Variants in LRRC1 observed in about 807,000 individuals in gnomAD.
LRRC1 encodes leucine-rich repeat-containing protein 1.
In LRRC1, 28 loss-of-function variants were observed where a neutral mutation model predicts 69.9. That is an observed-to-expected ratio of 0.40 (90% CI 0.30 to 0.55). The LOEUF (loss-of-function observed/expected upper bound fraction) is 0.55, where lower values mean the gene tolerates loss of function less well. Among genes scored for constraint, LRRC1 ranks in the 20% least tolerant of loss-of-function variants. The probability of loss-of-function intolerance (pLI) is 0.47; values close to 1 mark genes in which losing one functional copy is unlikely to be tolerated. For synonymous variants in LRRC1, 236 were observed against 240.2 expected, an observed-to-expected ratio of 0.98 and a Z score of 0.16; for missense variants, 498 against 609.0, an observed-to-expected ratio of 0.82 and a Z score of 1.92.
rs185026961 is a variant in LRRC1 at position 53,803,900 on chromosome 6, C to T, written c.159+8485C>T. On this transcript the variant is annotated intron_variant, in intron 1 of 13. Transcript: ENST00000370888. The stretch of plus-strand genomic sequence containing the variant: ...CACCTTTCTTTCCGCAGTCCACCCC[C>T]GCTTCTTGGGAAGAGATAATCTGGA... 8.3e-4 allele frequency among the ~76,000 whole-genome samples: 126 copies of T among 152,270 alleles called. 2 individuals carry two copies. In the East Asian group the frequency reaches 0.021, roughly 25 times the overall value.
At chr6:53,855,745 T>C (rs566635293) in intron 2 of LRRC1, among the ~76,000 whole-genome samples, 2 of 152,330 alleles carry the variant, frequency 1.3e-5, no homozygotes, top group South Asian at 4.2e-4. Context: ...GGAGCACCTT[T>C]GCTTTAAGAA....
chr6:53,901,801 T>C (rs1262993327), intron 8 of LRRC1, among the ~76,000 whole-genome samples: 2 of 152,206 alleles, frequency 1.3e-5, no homozygotes, highest in Non-Finnish European at 2.9e-5. Flanking sequence ...TTATGCTAAA[T>C]AAAGAGCTTA....
At chr6:53,922,212 G>A (rs1768760036) in intron 13 of LRRC1, among the ~76,000 whole-genome samples, 1 of 151,996 alleles carries the variant, frequency 6.6e-6, no homozygotes, top group Non-Finnish European at 1.5e-5. Context: ...GTTGAAGGAA[G>A]CCAGAATCGC....
At chr6:53,907,122 CTG>C (rs1768267350) in intron 10 of LRRC1, among the ~76,000 whole-genome samples, 1 of 152,212 alleles carries the variant, frequency 6.6e-6, no homozygotes, top group African/African-American at 2.4e-5. Context: ...GGCCCTGTGA[CTG>C]TGTGTATGTT....
intron 1 of LRRC1, among the ~76,000 whole-genome samples, chr6:53,808,226 T>C (rs1311421934): frequency 6.6e-6 from 1 of 152,100 alleles, no homozygotes; most frequent in Non-Finnish European, 1.5e-5. Flanking sequence ...TTGACTGTGG[T>C]GGTAGCAGTA....
chr6:53,812,417 G>A (rs554240135), intron 1 of LRRC1, among the ~76,000 whole-genome samples: 10 of 152,168 alleles, frequency 6.6e-5, no homozygotes, highest in African/African-American at 1.9e-4. Context: ...GAGGCCGGGC[G>A]CGGTGGCTCA....
At chr6:53,844,984 C>T (rs1286414379) in intron 2 of LRRC1, among the ~76,000 whole-genome samples, 3 of 152,296 alleles carry the variant, frequency 2.0e-5, no homozygotes, top group Admixed American at 1.3e-4. Context: ...GCGGGGGGAT[C>T]ACTAGGTCAG....
At chr6:53,901,245 T>A (rs1768048031) in intron 8 of LRRC1, among the ~76,000 whole-genome samples, 1 of 152,200 alleles carries the variant, frequency 6.6e-6, no homozygotes, top group African/African-American at 2.4e-5. Flanking sequence ...ATGAAAGTAT[T>A]GTGAATTTCA....
intron 13 of LRRC1, 101 bp from the exon 14 acceptor site, chr6:53,922,534 G>A: frequency 9.4e-7 from 1 of 1,069,116 alleles, no homozygotes; most frequent in Non-Finnish European, 1.3e-6. Context: ...GAATTTCTAA[G>A]AAGGTAACAT....
At chr6:53,873,313 A>G (rs1033471506) in intron 2 of LRRC1, among the ~76,000 whole-genome samples, 1 of 145,074 alleles carries the variant, frequency 6.9e-6, no homozygotes, top group Non-Finnish European at 1.5e-5. Flanking sequence ...TTTAATTGAG[A>G]CAGAGTCTCA....
At chr6:53,894,925 GT>G (rs869235555) in intron 4 of LRRC1, among the ~76,000 whole-genome samples, 4 of 149,694 alleles carry the variant, frequency 2.7e-5, no homozygotes, top group Admixed American at 6.7e-5. Context: ...TTAGCGGGGA[GT>G]TTTTTTTTCT....
intron 8 of LRRC1, among the ~76,000 whole-genome samples, chr6:53,901,852 C>G (rs996013242): frequency 1.3e-5 from 2 of 152,224 alleles, no homozygotes; most frequent in African/African-American, 2.4e-5. Context: ...TGGCTGCACC[C>G]GAGGCAAGAT....
At chr6:53,824,857 A>G (rs1765213614) in intron 1 of LRRC1, among the ~76,000 whole-genome samples, 1 of 152,236 alleles carries the variant, frequency 6.6e-6, no homozygotes, top group Non-Finnish European at 1.5e-5. Flanking sequence ...TGATAAAACC[A>G]TACTAAAGGG....
chr6:53,885,819 G>C (rs1254792322), intron 4 of LRRC1, among the ~76,000 whole-genome samples: 2 of 152,158 alleles, frequency 1.3e-5, no homozygotes, highest in African/African-American at 4.8e-5. Flanking sequence ...TCATGTGTTT[G>C]GTTTGCCTAT....
chr6:53,879,220 T>G (rs1329729402), intron 3 of LRRC1, 149 bp downstream of exon 3: 1 of 609,944 alleles, frequency 1.6e-6, no homozygotes, highest in African/African-American at 1.9e-5. Context: ...AGATATTTCT[T>G]TATAAATAGC....
intron 1 of LRRC1, among the ~76,000 whole-genome samples, chr6:53,837,235 A>G (rs1292139703): frequency 6.6e-6 from 1 of 151,726 alleles, no homozygotes. Flanking sequence ...TTAAAGATCT[A>G]TACCTAGTAG....
At chr6:53,889,574 A>G (rs913236168) in intron 4 of LRRC1, among the ~76,000 whole-genome samples, 4 of 152,206 alleles carry the variant, frequency 2.6e-5, no homozygotes, top group Admixed American at 2.6e-4. Flanking sequence ...CACTTTTTAC[A>G]AAATGCATGC....
Position 53,877,474 on chromosome 6 carries a change from T to C in LRRC1, c.278-1519T>C, listed in dbSNP as rs1767112602. 2.6e-5 allele frequency among the ~76,000 whole-genome samples: 4 copies of C among 152,212 alleles called. No homozygotes were observed. The South Asian group carries it at 8.3e-4, about 32-fold the overall frequency. ...AGAAAATGTTTTTTTTTCTATCATG[T>C]TGTCAGCCTGTAAATTTCCCAAATT... On this transcript the variant is annotated intron_variant, in intron 2 of 13. Transcript: ENST00000370888.
intron 1 of LRRC1, among the ~76,000 whole-genome samples, chr6:53,810,908 C>T (rs554589094): frequency 6.6e-6 from 1 of 152,234 alleles, no homozygotes; most frequent in South Asian, 2.1e-4. Context: ...CTGTCAACGT[C>T]TCTGCTCCCC....
Sources: allele counts gnomAD v4.1 joint callset (sites outside exome capture counted in the v4.1 genomes callset), GRCh38; gene constraint gnomAD v4.1.1; transcripts MANE v1.5; gene names NCBI Gene and HGNC (gene_info 2026-07-23, HGNC 2026-07-21).